GSE1: variants seen among roughly 807,000 people sequenced by gnomAD.
GSE1 encodes the protein genetic suppressor element 1.
GSE1 carries 32 observed loss-of-function variants against 112.6 expected under a neutral mutation model. The observed-to-expected ratio is 0.28, with a 90% confidence interval of 0.21 to 0.38. The LOEUF (loss-of-function observed/expected upper bound fraction) is 0.38. GSE1 is among the 10% of genes least tolerant of loss of function. The pLI is 1.00. For synonymous variants in GSE1, 1,115 were observed against 735.6 expected, an observed-to-expected ratio of 1.52 and a Z score of -8.35; for missense variants, 2,348 against 1,699.2, an observed-to-expected ratio of 1.38 and a Z score of -6.71.
Position 85,190,848 on chromosome 16 carries a change from G to A in GSE1, c.2283+19041G>A, listed in dbSNP as rs530989221. Among the ~76,000 whole-genome samples, 68 of 152,370 alleles carry A rather than the reference G, an allele frequency of 4.5e-4. No homozygotes were observed. The South Asian group carries it at 0.01, about 23-fold the overall frequency. ...ACAAAGGGCGGACTCACCAGGGTGG[G>A]GCTGATGGTGAGCAGCATCCTGCAG... is the stretch of plus-strand genomic sequence containing the variant. On this transcript the variant is annotated intron_variant, in intron 1 of 2. Transcript: ENST00000637419.
upstream of GSE1, among the ~76,000 whole-genome samples, chr16:85,609,153 C>T (rs551838250): frequency 6.6e-6 from 1 of 152,338 alleles, no homozygotes; most frequent in East Asian, 1.9e-4. Context: ...CATCCTGCCC[C>T]CTTGCCTTCC....
chr16:85,477,519 C>A (rs2050495533), intron 2 of GSE1, among the ~76,000 whole-genome samples: 1 of 151,088 alleles, frequency 6.6e-6, no homozygotes, highest in South Asian at 2.1e-4. Context: ...ACTGGGCTCT[C>A]GGTGGTCACT....
chr16:85,661,018 C>A, intron 8 of GSE1, 128 bp from the exon 9 acceptor site: 1 of 758,018 alleles, frequency 1.3e-6, no homozygotes, highest in Non-Finnish European at 2.2e-6. Flanking sequence ...CCCTGCAGCC[C>A]TGTTGGCACT....
At chr16:85,441,951 A>T (rs1295702885) in intron 2 of GSE1, among the ~76,000 whole-genome samples, 8 of 152,120 alleles carry the variant, frequency 5.3e-5, no homozygotes, top group Admixed American at 5.2e-4. Flanking sequence ...CCAACTCTTC[A>T]CGATGGCCTA....
At chr16:85,337,221 G>T (rs977498926) in intron 1 of GSE1, among the ~76,000 whole-genome samples, 1 of 151,780 alleles carries the variant, frequency 6.6e-6, no homozygotes, top group Non-Finnish European at 1.5e-5. Flanking sequence ...TACCCTTTGG[G>T]CCTAGGCAGC....
Position 85,249,200 on chromosome 16 carries a change from A to G in GSE1, c.2283+77393A>G, listed in dbSNP as rs567445033. 4.6e-5 allele frequency among the ~76,000 whole-genome samples: 7 copies of G among 152,290 alleles called. No homozygotes were observed. In the East Asian group the frequency reaches 1.4e-3, roughly 29 times the overall value. ...AGCAGCAGCGGCCGCATTTGTGCAG[A>G]CTTCATGGTGCCCAGTAGCCCAGTA... is the stretch of plus-strand genomic sequence containing the variant. On this transcript the variant is annotated intron_variant, in intron 1 of 2. Coordinates refer to the GSE1 transcript ENST00000637419.
At position 85,655,786 on chromosome 16, in the gene GSE1, C is replaced by G; in HGVS notation, c.858C>G (p.Pro286=). Reference sequence around the variant, plus strand: ...CCCCGTTCTACCCCATCCCCACCCCCGGCTCCCTGCCCCCACTGCACCCAT... The same window carrying G: ...CCCCGTTCTACCCCATCCCCACCCCGGGCTCCCTGCCCCCACTGCACCCAT... ...LRSPFYPIPT[P]GSLPPLHPSA... is the part of the protein sequence containing the mutation. The change falls in exon 6 of 16, where the codon CCC becomes CCG. Residue 286 remains proline, a synonymous_variant. Transcript: ENST00000253458. 1.2e-6 allele frequency: 2 copies of G among 1,609,636 alleles called. No individual in the cohort carries two copies. Among genetic ancestry groups the G allele is most frequent in the Non-Finnish European group, 1.7e-6 (2 of 1,177,624 alleles).
intron 1 of GSE1, among the ~76,000 whole-genome samples, chr16:85,319,473 G>A (rs889914756): frequency 2.6e-5 from 4 of 151,934 alleles, no homozygotes; most frequent in South Asian, 4.1e-4. Context: ...CCGTTCCAGC[G>A]GGAGTGGGTG....
chr16:85,230,611 C>G (rs377055616), intron 1 of GSE1, among the ~76,000 whole-genome samples: 1 of 152,292 alleles, frequency 6.6e-6, no homozygotes, highest in South Asian at 2.1e-4. Context: ...GAGATGGCCA[C>G]CAGCAGTTCT....
At position 85,656,491 on chromosome 16, in the gene GSE1, G is replaced by A; in HGVS notation, c.1138G>A (p.Glu380Lys). 6.5e-7 allele frequency: 1 copy of A among 1,543,038 alleles called. No homozygotes were observed. Among genetic ancestry groups the A allele is most frequent in the Non-Finnish European group, 8.8e-7 (1 of 1,141,038 alleles). The change falls in exon 7 of 16, where the codon GAG (glutamate) becomes AAG (lysine). Residue 380 changes from glutamate to lysine, a missense_variant. Transcript: ENST00000253458. ...EQEKEREREK[E>K]RERELERQRE... ...AGAGAAGGAGCGTGAGCGTGAGAAG[G>A]AGCGCGAGCGCGAGCTGGAGCGCCA... is the stretch of plus-strand genomic sequence containing the variant.
chr16:85,497,378 C>A (rs963437571), intron 2 of GSE1, among the ~76,000 whole-genome samples: 10 of 152,222 alleles, frequency 6.6e-5, no homozygotes, highest in African/African-American at 2.4e-4. Flanking sequence ...GGCTTCAGCC[C>A]TGTGCCTCAG....
At chr16:85,349,487 C>T (rs2046809900) in intron 1 of GSE1, among the ~76,000 whole-genome samples, 1 of 152,072 alleles carries the variant, frequency 6.6e-6, no homozygotes, top group Non-Finnish European at 1.5e-5. Flanking sequence ...CCTTCTCTCC[C>T]TCCCTGGCAG....
At chr16:85,495,671 A>AT (rs200133726) in intron 2 of GSE1, among the ~76,000 whole-genome samples, 1 of 151,772 alleles carries the variant, frequency 6.6e-6, no homozygotes, top group African/African-American at 2.4e-5. Flanking sequence ...TTTAAAAAAA[A>AT]TTTTTAGTAG....
intron 1 of GSE1, among the ~76,000 whole-genome samples, chr16:85,317,861 G>A (rs895067862): frequency 6.6e-6 from 1 of 152,252 alleles, no homozygotes; most frequent in African/African-American, 2.4e-5. Context: ...GACTAAGAGG[G>A]AAACTATCGT....
intron 2 of GSE1, among the ~76,000 whole-genome samples, chr16:85,501,601 C>T (rs560988966): frequency 1.2e-3 from 180 of 151,944 alleles, no homozygotes; most frequent in African/African-American, 4.2e-3. Context: ...CGCTATGTTG[C>T]CCAGGCTGGT....
At chr16:85,334,950 C>T (rs1189389530) in intron 1 of GSE1, among the ~76,000 whole-genome samples, 2 of 152,190 alleles carry the variant, frequency 1.3e-5, no homozygotes, top group East Asian at 1.9e-4. Context: ...GCAAGACAAG[C>T]TTGATTCACC....
At chr16:85,587,528 C>CG (rs1162047041) in intron 1 of GSE1, among the ~76,000 whole-genome samples, 2 of 152,016 alleles carry the variant, frequency 1.3e-5, no homozygotes, top group Non-Finnish European at 2.9e-5. Flanking sequence ...GGGGACACAG[C>CG]GGGGGCTTCA....
chr16:85,348,131 C>G (rs1025314573), intron 1 of GSE1, among the ~76,000 whole-genome samples: 2 of 152,178 alleles, frequency 1.3e-5, no homozygotes, highest in Non-Finnish European at 2.9e-5. Flanking sequence ...TCAAGTTTGG[C>G]CAGGCCACCT....
Position 85,270,656 on chromosome 16 carries a change from G to A in GSE1, c.2284-86807G>A, listed in dbSNP as rs551118575. On this transcript the variant is annotated intron_variant, in intron 1 of 2. Coordinates refer to the GSE1 transcript ENST00000637419. ...CTGCTTTGTTAATGCTCTGTCCTGC[G>A]TGCGGCCTTGAAGGAAACACACACG... Among the ~76,000 whole-genome samples, 7 of 148,764 alleles carry A rather than the reference G, an allele frequency of 4.7e-5. 1 individual carries two copies. The highest frequency in any genetic ancestry group is 1.9e-4 in the East Asian group (1 of 5,200).
Sources: allele counts gnomAD v4.1 joint callset (sites outside exome capture counted in the v4.1 genomes callset), GRCh38; gene constraint gnomAD v4.1.1; transcripts MANE v1.5; gene names NCBI Gene and HGNC (gene_info 2026-07-23, HGNC 2026-07-21).